Variants in F11 observed in about 807,000 individuals in gnomAD.
The protein encoded by F11 is coagualtion factor XI.
Under a neutral mutation model 76.5 loss-of-function variants are expected in F11, and 78 were observed. The observed-to-expected ratio is 1.02, with a 90% confidence interval of 0.85 to 1.23. The LOEUF (loss-of-function observed/expected upper bound fraction) is 1.23, where lower values mean the gene tolerates loss of function less well. F11 is among the 50% of genes most tolerant of loss of function. The pLI is 0.00. For synonymous variants in F11, 278 were observed against 276.3 expected (o/e 1.01, Z -0.06); for missense variants, 742 against 771.4 (o/e 0.96, Z 0.45).
intron 2 of F11, among the ~76,000 whole-genome samples, chr4:186,269,648 C>T (rs539063225): frequency 6.6e-6 from 1 of 152,092 alleles, no homozygotes; most frequent in East Asian, 1.9e-4. Context: ...CATCAGCTGG[C>T]GAAGTTGAAA....
At chr4:186,273,506 G>A (rs913212228) in intron 4 of F11, among the ~76,000 whole-genome samples, 2 of 151,760 alleles carry the variant, frequency 1.3e-5, no homozygotes, top group Non-Finnish European at 2.9e-5. Context: ...AGGCTGGAGT[G>A]CAGTGGTGCA....
chr4:186,271,750 C>T lies in F11; in HGVS notation c.197C>T (p.Pro66Leu), dbSNP rs5968. The change falls in exon 3 of 15, where the codon CCA (proline) becomes CTA (leucine). Residue 66 changes from proline (P) to leucine (L), a missense_variant. By Grantham distance (98) the Pro-to-Leu change is moderately conservative. Coordinates refer to ENST00000403665, the MANE Select transcript of F11 (RefSeq NM_000128.4). ...CLLFTFTAESPSEDPTRWFTC... is the reference protein window; with the variant it reads ...CLLFTFTAESLSEDPTRWFTC... ...CTCTTCACTTTCACGGCGGAATCACCATCTGAGGATCCCACCCGATGGTAA... is the reference window on the plus strand; with the variant it reads ...CTCTTCACTTTCACGGCGGAATCACTATCTGAGGATCCCACCCGATGGTAA... 6.1e-5 allele frequency: 98 copies of T among 1,614,054 alleles called. 2 individuals are homozygous for T. The highest frequency in any genetic ancestry group is 3.1e-4 in the East Asian group (14 of 44,884).
chr4:186,277,953 C>T (rs749031846), intron 7 of F11, among the ~76,000 whole-genome samples: 13 of 152,262 alleles, frequency 8.5e-5, no homozygotes, highest in South Asian at 6.2e-4. Flanking sequence ...GTGTGCACCA[C>T]CACCCCCAGC....
At chr4:186,286,537 C>A in intron 13 of F11, 27 bp downstream of exon 13, 1 of 1,612,002 alleles carries the variant, frequency 6.2e-7, no homozygotes, top group Non-Finnish European at 8.5e-7. Flanking sequence ...TATATGTGCT[C>A]CATCCTAGAA....
intron 3 of F11, among the ~76,000 whole-genome samples, chr4:186,272,187 C>T (rs1740026726): frequency 6.6e-6 from 1 of 152,048 alleles, no homozygotes; most frequent in African/African-American, 2.4e-5. Flanking sequence ...AGTGATCCCC[C>T]TGCCACCACC....
Position 186,271,782 on chromosome 4 carries a change from AT to A in F11, c.218+12del. ...GGATCCCACCCGATGGTAAATGCTTATGTTTCTACATCGAGGAGACAGATTT... is the reference window on the plus strand; with the variant it reads ...GGATCCCACCCGATGGTAAATGCTTAGTTTCTACATCGAGGAGACAGATTT... On this transcript the variant is annotated intron_variant, in intron 3 of 14. Transcript: ENST00000403665. The A allele has an allele frequency of 6.2e-7, 1 of 1,614,110 alleles. No homozygotes were observed.
chr4:186,270,121 T>C (rs1023844542), intron 2 of F11, among the ~76,000 whole-genome samples: 3 of 152,200 alleles, frequency 2.0e-5, no homozygotes, highest in Non-Finnish European at 4.4e-5. Context: ...GATGATGTGA[T>C]TGAGTACCTA....
intron 11 of F11, 121 bp downstream of exon 11, chr4:186,284,381 AT>A: frequency 9.3e-7 from 1 of 1,078,988 alleles, no homozygotes; most frequent in Admixed American, 2.1e-5. Context: ...AAATTAATTA[AT>A]TGCTTCAGTG....
chr4:186,271,783 T>C lies in F11; in HGVS notation c.218+12T>C, dbSNP rs1415024710. On this transcript the variant is annotated intron_variant, in intron 3 of 14. Coordinates refer to ENST00000403665, the MANE Select transcript of F11 (RefSeq NM_000128.4). ...GATCCCACCCGATGGTAAATGCTTA[T>C]GTTTCTACATCGAGGAGACAGATTT... 4 of 1,614,120 alleles carry C rather than the reference T, an allele frequency of 2.5e-6. No homozygotes were observed. In the Admixed American group the frequency reaches 5.0e-5, roughly 20 times the overall value.
At chr4:186,271,517 G>T (rs1012661230) in intron 2 of F11, 92 bp from the exon 3 acceptor site, 1 of 1,380,816 alleles carries the variant, frequency 7.2e-7, no homozygotes, top group South Asian at 1.2e-5. Flanking sequence ...CTGGTAAGTA[G>T]AGCTACTTGC....
intron 10 of F11, 63 bp from the exon 11 acceptor site, chr4:186,284,029 G>A (rs1257395944): frequency 4.3e-6 from 7 of 1,612,648 alleles, no homozygotes; most frequent in Non-Finnish European, 5.1e-6. Flanking sequence ...GTTCCTGAAG[G>A]AGCATAATTA....
chr4:186,286,222 T>C, intron 12 of F11, 193 bp from the exon 13 acceptor site: 1 of 588,510 alleles, frequency 1.7e-6, no homozygotes, highest in East Asian at 3.1e-5. Flanking sequence ...GGCTTGTCTC[T>C]CTCTCGCCCT....
intron 10 of F11, chr4:186,282,739 A>G: frequency 1.0e-6 from 1 of 985,292 alleles, no homozygotes; most frequent in South Asian, 4.7e-5. Flanking sequence ...ATGAATGTTC[A>G]CCCTTCCGGC....
chr4:186,267,120 C>CT lies in F11; in HGVS notation c.-1-11dup, dbSNP rs995971512. The CT allele has an allele frequency of 2.6e-6, 4 of 1,524,292 alleles. No individual in the cohort carries two copies. The African/African-American group carries it at 5.5e-5, about 21-fold the overall frequency. 94.4% of individuals were successfully genotyped at this position (1,524,292 alleles called of 1,614,324 possible). A position where few individuals can be genotyped will look rare whatever the true frequency, so the allele number is the denominator to read the frequency against. On this transcript the variant is annotated splice_polypyrimidine_tract_variant and intron_variant, in intron 1 of 14. Coordinates refer to ENST00000403665, the MANE Select transcript of F11 (RefSeq NM_000128.4). ...CATTTTATGTTCTAAAAGCATGCAC[C>CT]TTTTTCTCATTGTAGGATGATTTTC...
At position 186,285,648 on chromosome 4, in the gene F11, C is replaced by T. The variant is rs776940554; in HGVS notation, c.1315C>T (p.Pro439Ser). Residue 439 changes from proline (P) to serine (S), a missense_variant, in exon 12 of 15, where the codon CCT becomes TCT. Pro to Ser is a moderately conservative substitution (Grantham distance 74). Transcript: ENST00000403665. The part of the protein sequence containing the change: ...AAHCFYGVES[P>S]KILRVYSGIL... ...TTGTTTGCTCCTTAGGGTAGAGTCA[C>T]CTAAGATTTTGCGTGTCTACAGTGG... is the stretch of plus-strand genomic sequence containing the variant. 1.2e-6 allele frequency: 2 copies of T among 1,613,976 alleles called. No homozygotes were observed. The highest frequency in any genetic ancestry group is 1.7e-6 in the Non-Finnish European group (2 of 1,179,964).
At chr4:186,270,970 T>A (rs1368441018) in intron 2 of F11, among the ~76,000 whole-genome samples, 1 of 151,558 alleles carries the variant, frequency 6.6e-6, no homozygotes, top group Non-Finnish European at 1.5e-5. Context: ...CCTCCCAAAG[T>A]GCTGGGATTA....
intron 13 of F11, 69 bp from the exon 14 acceptor site, chr4:186,287,615 T>C (rs1044236068): frequency 3.2e-5 from 25 of 773,238 alleles, no homozygotes; most frequent in Admixed American, 4.7e-5. Context: ...TATATTTATA[T>C]GTATGCATAT....
chr4:186,268,659 G>A (rs181647838), intron 2 of F11, among the ~76,000 whole-genome samples: 1 of 152,206 alleles, frequency 6.6e-6, no homozygotes, highest in Admixed American at 6.5e-5. Flanking sequence ...TTGAAAATCT[G>A]CAAATGTTTG....
At chr4:186,271,115 G>A (rs1414913099) in intron 2 of F11, among the ~76,000 whole-genome samples, 1 of 152,116 alleles carries the variant, frequency 6.6e-6, no homozygotes, top group South Asian at 2.1e-4. Flanking sequence ...GGTTTCCACG[G>A]TGGGGTTTCC....
Sources: gnomAD v4.1 joint callset for allele counts (sites outside exome capture counted in the v4.1 genomes callset) on GRCh38, gnomAD v4.1.1 for gene constraint, MANE v1.5 for transcripts, NCBI Gene and HGNC (gene_info 2026-07-23, HGNC 2026-07-21) for gene names.